The following SRPK1 variants were observed in gnomAD, a reference collection of about 807,000 sequenced individuals.
SRPK1 encodes SRSF protein kinase 1, also known as SFRS protein kinase 1.
In SRPK1, 52 loss-of-function variants were observed where a neutral mutation model predicts 89.5. That is an observed-to-expected ratio of 0.58 (90% CI 0.46 to 0.73). SRPK1 has a LOEUF of 0.73. Ranked by LOEUF, SRPK1 falls within the 30% of genes least tolerant of loss-of-function variation. SRPK1 has a pLI of 0.00. For missense variants in SRPK1, 603 were observed against 780.6 expected (o/e 0.77, Z 2.71); for synonymous variants, 255 against 270.2 (o/e 0.94, Z 0.55).
chr6:35,908,805 A>G (rs1770901489), intron 2 of SRPK1, among the ~76,000 whole-genome samples: 1 of 152,196 alleles, frequency 6.6e-6, no homozygotes, highest in Non-Finnish European at 1.5e-5. Context: ...GAGGCTTAGG[A>G]GGAAAAAGCT....
At chr6:35,836,921 C>T (rs937091615) in intron 15 of SRPK1, among the ~76,000 whole-genome samples, 7 of 151,948 alleles carry the variant, frequency 4.6e-5, no homozygotes, top group Non-Finnish European at 1.0e-4. Flanking sequence ...TTACAATTTT[C>T]CCACCTAAAA....
At chr6:35,861,716 G>A (rs1769786596) in intron 12 of SRPK1, among the ~76,000 whole-genome samples, 3 of 152,222 alleles carry the variant, frequency 2.0e-5, no homozygotes, top group African/African-American at 7.2e-5. Context: ...TGACGTGGCT[G>A]CAGCTGCCAC....
At chr6:35,895,186 T>C (rs1425379623) in intron 2 of SRPK1, among the ~76,000 whole-genome samples, 1 of 152,172 alleles carries the variant, frequency 6.6e-6, no homozygotes, top group Non-Finnish European at 1.5e-5. Context: ...TATGTAATTA[T>C]AGCACAAGAC....
At chr6:35,911,587 A>G (rs1057008686) in intron 2 of SRPK1, among the ~76,000 whole-genome samples, 3 of 151,930 alleles carry the variant, frequency 2.0e-5, no homozygotes, top group African/African-American at 7.2e-5. Context: ...TTTTTTAAAA[A>G]ATAAGTTTCT....
intron 2 of SRPK1, among the ~76,000 whole-genome samples, chr6:35,899,817 C>T (rs937782434): frequency 6.6e-6 from 1 of 151,904 alleles, no homozygotes; most frequent in Non-Finnish European, 1.5e-5. Flanking sequence ...GCCTGGCCAA[C>T]TTGGCAAAAC....
At chr6:35,858,805 G>C (rs1296560802) in intron 12 of SRPK1, among the ~76,000 whole-genome samples, 1 of 152,134 alleles carries the variant, frequency 6.6e-6, no homozygotes, top group East Asian at 1.9e-4. Flanking sequence ...TAAATCTCCA[G>C]GATGATGGTG....
chr6:35,877,580 T>C (rs772417252), intron 6 of SRPK1, among the ~76,000 whole-genome samples: 20 of 152,260 alleles, frequency 1.3e-4, no homozygotes, highest in South Asian at 4.2e-4. Context: ...CAGTGGCTCA[T>C]GGCTGTAATC....
chr6:35,834,570 GA>G lies in SRPK1; in HGVS notation c.*733del, dbSNP rs1022130546. The G allele has an allele frequency of 2.4e-4, 37 of 152,090 alleles. No individual in the cohort carries two copies. Among genetic ancestry groups the G allele is most frequent in the African/African-American group, 8.7e-4 (36 of 41,414 alleles). The allele number at this position is 152,090 out of a possible 1,614,324, so 9.4% of individuals were successfully genotyped here. On this transcript the variant is annotated 3_prime_UTR_variant, in exon 16 of 16. Coordinates refer to ENST00000373825, the MANE Select transcript of SRPK1 (RefSeq NM_003137.5). ...TCTTAGGGTAATAGAAGACATACAG[GA>G]AAGGACTGTTTATAGAACACCTGAG... is the stretch of plus-strand genomic sequence containing the variant.
intron 2 of SRPK1, chr6:35,895,535 C>G (rs1025187038): frequency 2.0e-4 from 31 of 152,006 alleles, no homozygotes; most frequent in African/African-American, 7.5e-4. Context: ...TGTTGGGGCT[C>G]TTTAGGCCTC....
chr6:35,883,811 T>C (rs989914651), intron 6 of SRPK1, among the ~76,000 whole-genome samples: 34 of 152,090 alleles, frequency 2.2e-4, no homozygotes, highest in African/African-American at 6.7e-4. Context: ...CTTGGCTCAC[T>C]GCAATCTCCT....
intron 6 of SRPK1, among the ~76,000 whole-genome samples, chr6:35,885,298 CAG>C (rs138504486): frequency 0.031 from 3,537 of 112,634 alleles, 44 homozygotes; most frequent in Middle Eastern, 0.073. Context: ...CACACACACA[CAG>C]AGAGAGAGAG....
intron 2 of SRPK1, among the ~76,000 whole-genome samples, chr6:35,913,245 A>G (rs1771011734): frequency 6.6e-6 from 1 of 152,256 alleles, no homozygotes; most frequent in Non-Finnish European, 1.5e-5. Context: ...GAAACTACAG[A>G]GGAAGAAGAG....
intron 12 of SRPK1, 37 bp downstream of exon 12, chr6:35,868,973 G>A (rs1293756181): frequency 1.6e-5 from 24 of 1,537,588 alleles, no homozygotes; most frequent in Non-Finnish European, 2.1e-5. Context: ...CATCCTCCCA[G>A]TCACTTCAAA....
At position 35,835,144 on chromosome 6, in the gene SRPK1, T is replaced by G; in HGVS notation, c.*160A>C. 2.9e-6 allele frequency: 2 copies of G among 685,216 alleles called. No homozygotes were observed. The highest frequency in any genetic ancestry group is 2.3e-6 in the Non-Finnish European group (1 of 434,782). 42.4% of individuals were successfully genotyped at this position (685,216 alleles called of 1,614,324 possible). On this transcript the variant is annotated 3_prime_UTR_variant, in exon 16 of 16. Coordinates refer to ENST00000373825, the MANE Select transcript of SRPK1 (RefSeq NM_003137.5). ...AATGGCTGTGGGGATCTCCACAGGGTCAAGTAAGCAAACCCAAATGAACAT... is the reference window on the plus strand; with the variant it reads ...AATGGCTGTGGGGATCTCCACAGGGGCAAGTAAGCAAACCCAAATGAACAT...
At chr6:35,913,820 G>A (rs1008476737) in intron 2 of SRPK1, among the ~76,000 whole-genome samples, 18 of 136,044 alleles carry the variant, frequency 1.3e-4, no homozygotes, top group East Asian at 4.1e-4. Flanking sequence ...AAAAATAAAA[G>A]AGAGAGAAAA....
chr6:35,860,826 G>T (rs1387425433), intron 12 of SRPK1, among the ~76,000 whole-genome samples: 3 of 152,146 alleles, frequency 2.0e-5, no homozygotes, highest in Non-Finnish European at 4.4e-5. Context: ...TAAGTGTTTG[G>T]AGAGTGGCGG....
At chr6:35,885,871 C>G (rs562986030) in intron 6 of SRPK1, among the ~76,000 whole-genome samples, 1 of 152,130 alleles carries the variant, frequency 6.6e-6, no homozygotes, top group Non-Finnish European at 1.5e-5. Flanking sequence ...AGTTCTAAAA[C>G]ATCCAGATAA....
At chr6:35,876,690 G>A (rs565803152) in intron 6 of SRPK1, among the ~76,000 whole-genome samples, 3 of 152,224 alleles carry the variant, frequency 2.0e-5, no homozygotes, top group South Asian at 2.1e-4. Flanking sequence ...TTCTGCTTTA[G>A]CCAAGATGGA....
intron 6 of SRPK1, among the ~76,000 whole-genome samples, chr6:35,875,494 G>A (rs1317664901): frequency 2.0e-5 from 3 of 152,094 alleles, no homozygotes; most frequent in Non-Finnish European, 2.9e-5. Flanking sequence ...GATTACAAGC[G>A]TGAGCCACTG....
Sources: gnomAD v4.1 joint callset for allele counts (sites outside exome capture counted in the v4.1 genomes callset) on GRCh38, gnomAD v4.1.1 for gene constraint, MANE v1.5 for transcripts, NCBI Gene and HGNC (gene_info 2026-07-23, HGNC 2026-07-21) for gene names.